AFG2A: variants seen among roughly 807,000 people sequenced by gnomAD.
AFG2A encodes the protein ATPase family gene 2 protein homolog A.
the AFG2A span, among the ~76,000 whole-genome samples, chr4:122,972,396 T>C: frequency 1.3e-5 from 2 of 152,102 alleles, no homozygotes; most frequent in African/African-American, 4.8e-5. Flanking sequence ...TCTCTCATTT[T>C]CAGACAACCA....
the AFG2A span, among the ~76,000 whole-genome samples, chr4:123,268,793 A>G: frequency 7.2e-5 from 11 of 152,250 alleles, no homozygotes; most frequent in Non-Finnish European, 1.5e-4. Flanking sequence ...CAAGGAAAAA[A>G]CATGGGATCC....
At chr4:123,171,789 A>T in the AFG2A span, among the ~76,000 whole-genome samples, 1 of 151,998 alleles carries the variant, frequency 6.6e-6, no homozygotes, top group African/African-American at 2.4e-5. Context: ...TGCTTTTCTA[A>T]TATTTTCCAT....
the AFG2A span, among the ~76,000 whole-genome samples, chr4:123,075,774 A>G: frequency 6.7e-4 from 102 of 151,490 alleles, no homozygotes; most frequent in Non-Finnish European, 1.2e-3. Context: ...CCGGACCAAC[A>G]TGGAGAAACC....
chr4:122,997,748 A>G, the AFG2A span, among the ~76,000 whole-genome samples: 1 of 152,160 alleles, frequency 6.6e-6, no homozygotes, highest in Admixed American at 6.5e-5. Context: ...ACCATTTTAC[A>G]TTCTTACCAG....
At chr4:123,162,060 A>G in the AFG2A span, among the ~76,000 whole-genome samples, 1 of 152,218 alleles carries the variant, frequency 6.6e-6, no homozygotes, top group South Asian at 2.1e-4. Context: ...TGTGATAGGC[A>G]GCTTCAGTTA....
the AFG2A span, among the ~76,000 whole-genome samples, chr4:123,047,864 A>G: frequency 6.6e-6 from 1 of 151,860 alleles, no homozygotes; most frequent in African/African-American, 2.4e-5. Flanking sequence ...CACTACACCT[A>G]TTTTTTTAAA....
At chr4:122,928,704 T>G in the AFG2A span, among the ~76,000 whole-genome samples, 1 of 152,230 alleles carries the variant, frequency 6.6e-6, no homozygotes, top group South Asian at 2.1e-4. Context: ...CCTTAATATT[T>G]TTGTCATTTT....
At chr4:122,939,460 T>C in the AFG2A span, among the ~76,000 whole-genome samples, 1 of 152,180 alleles carries the variant, frequency 6.6e-6, no homozygotes, top group Non-Finnish European at 1.5e-5. Flanking sequence ...AGAATAGGCA[T>C]GAACAAAAAT....
chr4:123,251,379 C>T, the AFG2A span, among the ~76,000 whole-genome samples: 1 of 152,072 alleles, frequency 6.6e-6, no homozygotes, highest in Non-Finnish European at 1.5e-5. Context: ...AGTTATATTT[C>T]AGAAAGAGAA....
chr4:123,033,554 T>C, the AFG2A span, among the ~76,000 whole-genome samples: 1 of 152,206 alleles, frequency 6.6e-6, no homozygotes, highest in South Asian at 2.1e-4. Flanking sequence ...GAGTAAAAGT[T>C]AATAGGAAAG....
At chr4:123,145,143 T>A in the AFG2A span, among the ~76,000 whole-genome samples, 1 of 152,170 alleles carries the variant, frequency 6.6e-6, no homozygotes, top group East Asian at 1.9e-4. Context: ...AGTTAATTTT[T>A]AAAAAATAAT....
the AFG2A span, among the ~76,000 whole-genome samples, chr4:123,046,562 G>A: frequency 6.6e-6 from 1 of 151,922 alleles, no homozygotes; most frequent in Admixed American, 6.6e-5. Flanking sequence ...ATATTTTGAT[G>A]TGTATACAAT....
chr4:122,959,651 C>T, the AFG2A span, among the ~76,000 whole-genome samples: 1 of 152,162 alleles, frequency 6.6e-6, no homozygotes, highest in Admixed American at 6.5e-5. Context: ...GTGAGCTATG[C>T]TTCCTGATTG....
chr4:123,300,404 C>T, the AFG2A span, among the ~76,000 whole-genome samples: 2 of 152,152 alleles, frequency 1.3e-5, no homozygotes, highest in Non-Finnish European at 2.9e-5. Context: ...AGCTGGATCT[C>T]GCTATTGGCT....
At chr4:123,305,915 T>C in the AFG2A span, among the ~76,000 whole-genome samples, 2 of 152,212 alleles carry the variant, frequency 1.3e-5, no homozygotes, top group Admixed American at 6.5e-5. Context: ...TTCTGCACAA[T>C]TGCCTCTTTT....
chr4:123,288,151 G>A, the AFG2A span, among the ~76,000 whole-genome samples: 1 of 152,112 alleles, frequency 6.6e-6, no homozygotes, highest in South Asian at 2.1e-4. Context: ...TTCAGTGGGG[G>A]AGTGTTCAGA....
the AFG2A span, among the ~76,000 whole-genome samples, chr4:123,091,352 G>A: frequency 6.6e-6 from 1 of 152,108 alleles, no homozygotes; most frequent in African/African-American, 2.4e-5. Context: ...CATTTTTATT[G>A]CTTATGATTC....
chr4:123,069,479 T>G, the AFG2A span, among the ~76,000 whole-genome samples: 1 of 152,060 alleles, frequency 6.6e-6, no homozygotes, highest in Non-Finnish European at 1.5e-5. Flanking sequence ...CTGAGTTGAC[T>G]GGGAATACAC....
chr4:123,098,397 C>G, the AFG2A span, among the ~76,000 whole-genome samples: 9 of 151,898 alleles, frequency 5.9e-5, no homozygotes, highest in African/African-American at 2.2e-4. Flanking sequence ...AACCAACTCT[C>G]TTAGTAATTT....
Sources: allele counts gnomAD v4.1 joint callset (sites outside exome capture counted in the v4.1 genomes callset), GRCh38; gene constraint gnomAD v4.1.1; transcripts MANE v1.5; gene names NCBI Gene and HGNC (gene_info 2026-07-23, HGNC 2026-07-21).